DTWD2: variants seen among roughly 807,000 people sequenced by gnomAD.
DTWD2 encodes the protein tRNA-uridine aminocarboxypropyltransferase 2.
A neutral mutation model predicts 31.8 loss-of-function variants in DTWD2; 39 were observed. That is an observed-to-expected ratio of 1.22 (90% CI 0.95 to 1.60). The LOEUF is 1.60. Ranked by LOEUF, DTWD2 falls within the 40% of genes most tolerant of loss-of-function variation. DTWD2 has a pLI of 0.00. For synonymous variants in DTWD2, 180 were observed against 142.8 expected, an observed-to-expected ratio of 1.26 and a Z score of -1.86; for missense variants, 515 against 381.5, an observed-to-expected ratio of 1.35 and a Z score of -2.92.
intron 5 of DTWD2, among the ~76,000 whole-genome samples, chr5:118,845,743 T>C (rs556373044): frequency 1.1e-4 from 17 of 152,328 alleles, no homozygotes; most frequent in South Asian, 6.2e-4. Flanking sequence ...GCTGAAGAGA[T>C]AATGGGTCCT....
intron 4 of DTWD2, among the ~76,000 whole-genome samples, chr5:118,902,512 C>A (rs1753234851): frequency 6.6e-6 from 1 of 152,036 alleles, no homozygotes; most frequent in Non-Finnish European, 1.5e-5. Context: ...TTTAGTTATA[C>A]CCACACATTT....
chr5:118,876,007 T>C (rs1415661066), intron 4 of DTWD2, among the ~76,000 whole-genome samples: 1 of 152,190 alleles, frequency 6.6e-6, no homozygotes, highest in Non-Finnish European at 1.5e-5. Context: ...AAGTAGTCTC[T>C]TGGACCACAA....
At chr5:118,869,898 C>T (rs962485134) in intron 4 of DTWD2, among the ~76,000 whole-genome samples, 14 of 152,128 alleles carry the variant, frequency 9.2e-5, no homozygotes, top group Non-Finnish European at 2.1e-4. Flanking sequence ...ATCACGGAGG[C>T]AGATACCTCA....
intron 1 of DTWD2, among the ~76,000 whole-genome samples, chr5:118,950,353 T>A (rs541357238): frequency 6.2e-4 from 94 of 151,664 alleles, no homozygotes; most frequent in South Asian, 1.2e-3. Context: ...AAGAAGGTAA[T>A]GTGGAGTGGG....
At chr5:118,930,612 A>G (rs1753902125) in intron 3 of DTWD2, among the ~76,000 whole-genome samples, 1 of 152,210 alleles carries the variant, frequency 6.6e-6, no homozygotes, top group Non-Finnish European at 1.5e-5. Flanking sequence ...TTCCCTCAAG[A>G]GAAACTACTT....
chr5:118,838,409 T>C lies in DTWD2; in HGVS notation c.*2508A>G, dbSNP rs1047258560. ...ACTTCCAGGAAAAATCAAGCAAATATAAAGAATCTGAATTTAAAAGCCAAC... is the reference window on the plus strand; with the variant it reads ...ACTTCCAGGAAAAATCAAGCAAATACAAAGAATCTGAATTTAAAAGCCAAC... On this transcript the variant is annotated 3_prime_UTR_variant, in exon 6 of 6. Transcript: ENST00000510708. The C allele has an allele frequency of 1.2e-4, 18 of 152,058 alleles. No homozygotes were observed. Among genetic ancestry groups the C allele is most frequent in the Non-Finnish European group, 4.4e-5 (3 of 68,002 alleles). The allele number at this position is 152,058 out of a possible 1,614,324, so 9.4% of individuals were successfully genotyped here.
At chr5:118,944,151 A>G (rs1391443198) in intron 2 of DTWD2, among the ~76,000 whole-genome samples, 3 of 152,238 alleles carry the variant, frequency 2.0e-5, no homozygotes, top group Non-Finnish European at 4.4e-5. Context: ...AAATTTATTT[A>G]TACATTCACT....
intron 1 of DTWD2, among the ~76,000 whole-genome samples, chr5:118,964,606 G>C (rs950040348): frequency 2.6e-5 from 4 of 152,198 alleles, no homozygotes; most frequent in African/African-American, 9.6e-5. Flanking sequence ...CGCCTGACTG[G>C]TTTTCGTATT....
At chr5:118,905,194 A>G (rs1456606518) in intron 4 of DTWD2, among the ~76,000 whole-genome samples, 1 of 152,102 alleles carries the variant, frequency 6.6e-6, no homozygotes, top group East Asian at 1.9e-4. Context: ...GTTAAAATAT[A>G]TTTTCTCTTT....
chr5:118,955,278 C>T (rs550825948), intron 1 of DTWD2, among the ~76,000 whole-genome samples: 4 of 152,116 alleles, frequency 2.6e-5, no homozygotes, highest in Non-Finnish European at 4.4e-5. Flanking sequence ...TCTCAACTAG[C>T]TTTATATTTA....
At chr5:118,852,730 A>G (rs1399544091) in intron 4 of DTWD2, among the ~76,000 whole-genome samples, 6 of 152,180 alleles carry the variant, frequency 3.9e-5, no homozygotes, top group Non-Finnish European at 8.8e-5. Flanking sequence ...ATATATATAT[A>G]TATCTAAAGG....
intron 1 of DTWD2, among the ~76,000 whole-genome samples, chr5:118,951,417 C>T (rs991035877): frequency 2.0e-5 from 3 of 152,084 alleles, no homozygotes; most frequent in South Asian, 2.1e-4. Flanking sequence ...AGATTTGGGA[C>T]GAGTTGCATT....
At chr5:118,937,647 C>G (rs1026289227) in intron 3 of DTWD2, among the ~76,000 whole-genome samples, 6 of 152,116 alleles carry the variant, frequency 3.9e-5, no homozygotes, top group Non-Finnish European at 7.4e-5. Context: ...ATAAGCTCCC[C>G]CTTCACATTG....
chr5:118,870,979 A>G (rs1453477734), intron 4 of DTWD2, among the ~76,000 whole-genome samples: 2 of 149,922 alleles, frequency 1.3e-5, no homozygotes, highest in African/African-American at 4.9e-5. Flanking sequence ...AGCTTATATA[A>G]TATTCTAAAT....
intron 1 of DTWD2, among the ~76,000 whole-genome samples, chr5:118,979,863 G>A (rs1755260092): frequency 6.6e-6 from 1 of 152,218 alleles, no homozygotes; most frequent in South Asian, 2.1e-4. Context: ...GCAGGGGGTG[G>A]GAGAGCATCA....
intron 4 of DTWD2, among the ~76,000 whole-genome samples, chr5:118,905,154 AT>A: frequency 1.3e-5 from 2 of 152,298 alleles, no homozygotes; most frequent in South Asian, 4.1e-4. Context: ...TGTTTTAAAA[AT>A]AAAACACTAC....
chr5:118,934,389 C>T (rs1474306312), intron 3 of DTWD2, among the ~76,000 whole-genome samples: 1 of 150,292 alleles, frequency 6.7e-6, no homozygotes, highest in Non-Finnish European at 1.5e-5. Context: ...CACCCAGTTT[C>T]CCTTATTATC....
chr5:118,957,660 C>G (rs1247355248), intron 1 of DTWD2, among the ~76,000 whole-genome samples: 1 of 152,128 alleles, frequency 6.6e-6, no homozygotes. Flanking sequence ...GGAATAGATT[C>G]AGAAACACTC....
chr5:118,928,091 T>C (rs1753846755), intron 4 of DTWD2, among the ~76,000 whole-genome samples: 1 of 152,112 alleles, frequency 6.6e-6, no homozygotes, highest in South Asian at 2.1e-4. Context: ...GAATAAACCA[T>C]ATAACTGTAA....
Sources: gnomAD v4.1 joint callset for allele counts (sites outside exome capture counted in the v4.1 genomes callset) on GRCh38, gnomAD v4.1.1 for gene constraint, MANE v1.5 for transcripts, NCBI Gene and HGNC (gene_info 2026-07-23, HGNC 2026-07-21) for gene names.